The following ST18 variants were observed in gnomAD, a reference collection of about 807,000 sequenced individuals.
The protein encoded by ST18 is ST18 C2H2C-type zinc finger transcription factor.
Under a neutral mutation model 110.0 loss-of-function variants are expected in ST18, and 50 were observed. The ratio of observed to expected loss-of-function variants is 0.45; its 90% CI spans 0.36 to 0.58. The LOEUF (loss-of-function observed/expected upper bound fraction) is 0.58, where lower values mean the gene tolerates loss of function less well. Among genes scored for constraint, ST18 ranks in the 20% least tolerant of loss-of-function variants. The pLI is 0.00. For synonymous variants in ST18, 461 were observed against 452.4 expected (o/e 1.02, Z -0.24); for missense variants, 1,306 against 1,280.1 (o/e 1.02, Z -0.31).
At chr8:52,349,631 A>G (rs1343916842) in intron 2 of ST18, among the ~76,000 whole-genome samples, 3 of 152,204 alleles carry the variant, frequency 2.0e-5, no homozygotes, top group Non-Finnish European at 4.4e-5. Flanking sequence ...CTGAGTGGAA[A>G]CCAATCTGAC....
intron 2 of ST18, among the ~76,000 whole-genome samples, chr8:52,351,008 C>T (rs371042104): frequency 3.3e-5 from 5 of 152,172 alleles, no homozygotes; most frequent in Admixed American, 2.0e-4. Context: ...GCGTGAGCCA[C>T]CGTGCCTGGC....
At chr8:52,396,869 A>T (rs1841326418) in intron 2 of ST18, among the ~76,000 whole-genome samples, 1 of 152,168 alleles carries the variant, frequency 6.6e-6, no homozygotes, top group Non-Finnish European at 1.5e-5. Flanking sequence ...CATTTTCTTT[A>T]TCTATTTGTC....
intron 12 of ST18, among the ~76,000 whole-genome samples, chr8:52,164,399 T>A (rs1303302995): frequency 6.6e-6 from 1 of 152,248 alleles, no homozygotes; most frequent in Non-Finnish European, 1.5e-5. Context: ...TCATTCCAAT[T>A]GCAATGTATC....
At chr8:52,118,555 C>A in intron 23 of ST18, 114 bp from the exon 24 acceptor site, 6 of 567,376 alleles carry the variant, frequency 1.1e-5, no homozygotes, top group South Asian at 3.0e-5. Context: ...AGTGTTTTTA[C>A]CAAAACAATG....
At chr8:52,287,407 T>C (rs959373061) in intron 2 of ST18, among the ~76,000 whole-genome samples, 3 of 152,202 alleles carry the variant, frequency 2.0e-5, no homozygotes, top group Admixed American at 6.5e-5. Context: ...GTGTTCTTTG[T>C]CTCAAAGAGG....
intron 2 of ST18, among the ~76,000 whole-genome samples, chr8:52,276,767 C>CTTT (rs112922704): frequency 7.1e-6 from 1 of 140,714 alleles, no homozygotes; most frequent in African/African-American, 2.6e-5. Context: ...CCTATAAAAT[C>CTTT]TTTTTTTTTT....
At chr8:52,286,597 G>T (rs2095475142) in intron 2 of ST18, among the ~76,000 whole-genome samples, 1 of 151,990 alleles carries the variant, frequency 6.6e-6, no homozygotes, top group Admixed American at 6.6e-5. Flanking sequence ...CAGCTGGCCA[G>T]TAGCTAGGAT....
chr8:52,274,882 T>C (rs2095189533), intron 2 of ST18, among the ~76,000 whole-genome samples: 2 of 152,220 alleles, frequency 1.3e-5, no homozygotes, highest in African/African-American at 4.8e-5. Flanking sequence ...TGTTTATTTA[T>C]GAAAGAGTGT....
At chr8:52,121,003 G>A (rs2044536642) in intron 23 of ST18, among the ~76,000 whole-genome samples, 1 of 152,168 alleles carries the variant, frequency 6.6e-6, no homozygotes, top group African/African-American at 2.4e-5. Context: ...GGTAACTGTA[G>A]AGCTGTCTCT....
intron 2 of ST18, among the ~76,000 whole-genome samples, chr8:52,307,042 T>A (rs1472761818): frequency 1.3e-5 from 2 of 152,160 alleles, no homozygotes; most frequent in East Asian, 1.9e-4. Context: ...AAATTAAAAA[T>A]TCATTTGGGC....
intron 9 of ST18, among the ~76,000 whole-genome samples, chr8:52,178,627 A>C (rs931554865): frequency 7.7e-6 from 1 of 129,060 alleles, no homozygotes; most frequent in African/African-American, 3.6e-5. Context: ...AAAAAAAAAA[A>C]AAAAAAAAAA....
chr8:52,189,008 G>T (rs189933240), intron 8 of ST18, among the ~76,000 whole-genome samples: 1 of 152,264 alleles, frequency 6.6e-6, no homozygotes, highest in African/African-American at 2.4e-5. Flanking sequence ...TGGACCTTTT[G>T]ATTGACACAC....
intron 2 of ST18, among the ~76,000 whole-genome samples, chr8:52,359,953 T>C (rs1368235056): frequency 1.3e-5 from 2 of 152,146 alleles, no homozygotes; most frequent in Non-Finnish European, 2.9e-5. Context: ...AGAATAGATA[T>C]AGCAACAAAT....
chr8:52,128,666 C>A (rs1322992713), intron 22 of ST18, among the ~76,000 whole-genome samples: 1 of 152,134 alleles, frequency 6.6e-6, no homozygotes, highest in South Asian at 2.1e-4. Context: ...AAAGTCTATG[C>A]ACTAGTGCCT....
In ST18 at chr8:52,158,927, A is replaced by G; in HGVS notation, c.1777T>C (p.Ser593Pro). ...GCATGCAGACTCTGTGGCTTGTTGG[A>G]GAGGATGTCTGTGGCTTCCCTGCAG... is the stretch of plus-strand genomic sequence containing the variant. ...TRCREATDIL[S>P]NKPQSLHAKG... Residue 593 changes from serine to proline, a missense_variant, in exon 15 of 26, where the codon TCC becomes CCC. Physicochemically the swap from Ser to Pro is moderately conservative, Grantham distance 74. Transcript: ENST00000689386. 1.2e-6 allele frequency: 2 copies of G among 1,613,944 alleles called. No individual in the cohort carries two copies. Among genetic ancestry groups the G allele is most frequent in the Non-Finnish European group, 1.7e-6 (2 of 1,179,886 alleles).
chr8:52,350,797 T>A (rs531798539), intron 2 of ST18, among the ~76,000 whole-genome samples: 219 of 152,168 alleles, frequency 1.4e-3, no homozygotes, highest in Non-Finnish European at 2.4e-3. Flanking sequence ...CTTGGCTCAC[T>A]GCAACCTCTG....
At chr8:52,162,010 G>T (rs558738014) in intron 13 of ST18, among the ~76,000 whole-genome samples, 1 of 152,288 alleles carries the variant, frequency 6.6e-6, no homozygotes, top group East Asian at 1.9e-4. Flanking sequence ...AGGAGTTCGA[G>T]ACCAGCCTGG....
chr8:52,150,012 C>A (rs1255817760), intron 15 of ST18, 35 bp from the exon 16 acceptor site: 1 of 1,589,104 alleles, frequency 6.3e-7, no homozygotes, highest in Non-Finnish European at 8.6e-7. Context: ...AACATTTAAG[C>A]AGTTTGCAGT....
intron 2 of ST18, among the ~76,000 whole-genome samples, chr8:52,366,166 C>T (rs1827856376): frequency 6.6e-6 from 1 of 152,102 alleles, no homozygotes; most frequent in Admixed American, 6.5e-5. Flanking sequence ...GGACCTCAGT[C>T]ACAATCAGTT....
Sources: gnomAD v4.1 joint callset for allele counts (sites outside exome capture counted in the v4.1 genomes callset) on GRCh38, gnomAD v4.1.1 for gene constraint, MANE v1.5 for transcripts, NCBI Gene and HGNC (gene_info 2026-07-23, HGNC 2026-07-21) for gene names.